Variants in NOSIP observed in about 807,000 individuals in gnomAD.
The protein encoded by NOSIP is nitric oxide synthase interacting protein.
NOSIP carries 25 observed loss-of-function variants against 36.4 expected under a neutral mutation model. The observed-to-expected ratio is 0.69, with a 90% CI of 0.50 to 0.96. The LOEUF is 0.96. Among genes scored for constraint, NOSIP ranks in the 40% least tolerant of loss-of-function variants. The pLI is 0.00. For missense variants in NOSIP, 370 were observed against 429.0 expected, an observed-to-expected ratio of 0.86 and a Z score of 1.21; for synonymous variants, 187 against 179.2, an observed-to-expected ratio of 1.04 and a Z score of -0.35.
At chr19:49,570,619 T>C (rs2080471942) in intron 1 of NOSIP, among the ~76,000 whole-genome samples, 1 of 151,916 alleles carries the variant, frequency 6.6e-6, no homozygotes, top group South Asian at 2.1e-4. Flanking sequence ...ACACCCCAAC[T>C]TGACCCAGGG....
At chr19:49,568,485 G>C (rs1294080242) in intron 1 of NOSIP, among the ~76,000 whole-genome samples, 1 of 152,138 alleles carries the variant, frequency 6.6e-6, no homozygotes, top group African/African-American at 2.4e-5. Flanking sequence ...ATTCACCTTG[G>C]ATGCACATAA....
intron 1 of NOSIP, among the ~76,000 whole-genome samples, chr19:49,570,825 C>T (rs2080474312): frequency 6.6e-6 from 1 of 152,132 alleles, no homozygotes; most frequent in Non-Finnish European, 1.5e-5. Context: ...CCTTGACCCT[C>T]TGCAGTATTT....
chr19:49,561,879 CAATT>C lies in NOSIP; in HGVS notation c.-1-1191_-1-1188del, dbSNP rs1294794498. Among the ~76,000 whole-genome samples, 56 of 127,622 alleles carry C rather than the reference CAATT, an allele frequency of 4.4e-4. No homozygotes were observed. The East Asian group carries it at 0.012, about 28-fold the overall frequency. 83.7% of individuals were successfully genotyped at this position (127,622 alleles called of 152,430 possible). A position where few individuals can be genotyped will look rare whatever the true frequency, so the allele number is the denominator to read the frequency against. On this transcript the variant is annotated intron_variant, in intron 1 of 8. Transcript: ENST00000596358. The stretch of plus-strand genomic sequence containing the variant: ...ACCTAGACAGAGCAAGGCTCTGTCA[CAATT>C]AAAAAAAAAAAAAAAAAGACATTGC...
Position 49,560,685 on chromosome 19 carries a change from G to A in NOSIP, c.7C>T (p.Arg3Trp), listed in dbSNP as rs996963376. 5 of 1,592,266 alleles carry A rather than the reference G, an allele frequency of 3.1e-6. No individual in the cohort carries two copies. Among genetic ancestry groups the A allele is most frequent in the African/African-American group, 1.3e-5 (1 of 74,520 alleles). MT[R>W]HGKNCTAGAV... ...CCTGCGGTGCAGTTCTTGCCATGCC[G>A]CGTCATCCTAGGGAGGAAGGGACAG... The change falls in exon 2 of 9, where the codon CGG becomes TGG. Residue 3 changes from arginine to tryptophan, a missense_variant. By Grantham distance (101) the Arg-to-Trp change is moderately radical. Transcript: ENST00000596358. The surrounding 1 kb of genome is among the most constrained non-coding windows in gnomAD (Gnocchi z 4.6).
Position 49,560,449 on chromosome 19 carries a change from G to A in NOSIP, c.70+173C>T, listed in dbSNP as rs544315661. On this transcript the variant is annotated intron_variant, in intron 2 of 8. Coordinates refer to ENST00000596358, the MANE Select transcript of NOSIP (RefSeq NM_001270960.2). This position sits in a 1 kb window ranked among gnomAD's most constrained non-coding sequence, Gnocchi z 4.6. ...CGCAGAAGGCAGAGAACACAGTGCC[G>A]GGCCACATGGGGTCATGGGATCACC... 133 of 625,900 alleles carry A rather than the reference G, an allele frequency of 2.1e-4. No homozygotes were observed. In the Middle Eastern group the frequency reaches 4.7e-3, roughly 22 times the overall value. The allele number at this position is 625,900 out of a possible 1,614,324, so 38.8% of individuals were successfully genotyped here.
Position 49,555,584 on chromosome 19 carries a change from C to G in NOSIP, c.*167G>C. 1.7e-6 allele frequency: 1 copy of G among 587,906 alleles called. No homozygotes were observed. The highest frequency in any genetic ancestry group is 2.0e-5 in the South Asian group (1 of 49,272). 36.4% of individuals were successfully genotyped at this position (587,906 alleles called of 1,614,324 possible). On this transcript the variant is annotated 3_prime_UTR_variant, in exon 9 of 9. Transcript: ENST00000596358. ...AGATTTTGTTCTTAATGTGAGACCA[C>G]ATTCAATATGCTTAGCCCGCTCTTT... is the stretch of plus-strand genomic sequence containing the variant.
At chr19:49,568,716 A>G (rs2080442211) in intron 1 of NOSIP, among the ~76,000 whole-genome samples, 1 of 151,658 alleles carries the variant, frequency 6.6e-6, no homozygotes, top group African/African-American at 2.4e-5. Flanking sequence ...AAACCAAGGC[A>G]GGAAGATTGC....
chr19:49,573,623 C>A (rs1454917743), intron 1 of NOSIP, among the ~76,000 whole-genome samples: 1 of 152,128 alleles, frequency 6.6e-6, no homozygotes, highest in African/African-American at 2.4e-5. Flanking sequence ...CATTAATACA[C>A]TAATAATTCA....
chr19:49,578,844 T>A (rs1215088085), intron 1 of NOSIP, among the ~76,000 whole-genome samples: 1 of 151,056 alleles, frequency 6.6e-6, no homozygotes, highest in Admixed American at 6.6e-5. Flanking sequence ...AGGATGGTCT[T>A]GATCTCCTGA....
At chr19:49,564,453 C>CAAAA (rs1011453088) in intron 1 of NOSIP, among the ~76,000 whole-genome samples, 13 of 42,546 alleles carry the variant, frequency 3.1e-4, no homozygotes, top group Non-Finnish European at 4.9e-4. Flanking sequence ...GACTCCATCT[C>CAAAA]AAAAAAAAAA....
intron 1 of NOSIP, among the ~76,000 whole-genome samples, chr19:49,572,985 A>AAT (rs1555736289): frequency 7.2e-5 from 11 of 151,860 alleles, no homozygotes; most frequent in Admixed American, 7.2e-4. Context: ...AAAAAAAAAA[A>AAT]AAAAAAAAGC....
chr19:49,564,090 A>C lies in NOSIP; in HGVS notation c.-1-3398T>G, dbSNP rs1175857913. ...GCTCCATGAGGTGTGACACTGCAAC[A>C]CTAAATTAGTAGTAATTTGTTACAA... On this transcript the variant is annotated intron_variant, in intron 1 of 8. Coordinates refer to ENST00000596358, the MANE Select transcript of NOSIP (RefSeq NM_001270960.2). Among the ~76,000 whole-genome samples, 3 of 152,172 alleles carry C rather than the reference A, an allele frequency of 2.0e-5. 1 individual carries two copies. Among genetic ancestry groups the C allele is most frequent in the Admixed American group, 2.0e-4 (3 of 15,266 alleles).
intron 3 of NOSIP, 146 bp from the exon 4 acceptor site, chr19:49,559,124 A>G: frequency 1.4e-6 from 1 of 700,530 alleles, no homozygotes. Flanking sequence ...CAAAGCTGTT[A>G]TACTCATGGT....
Position 49,560,803 on chromosome 19 carries a change from C to T in NOSIP, c.-1-111G>A, listed in dbSNP as rs974348223. 3.4e-5 allele frequency: 28 copies of T among 833,650 alleles called. No homozygotes were observed. Among genetic ancestry groups the T allele is most frequent in the Middle Eastern group, 2.5e-4 (1 of 3,974 alleles). The allele number at this position is 833,650 out of a possible 1,614,324, so 51.6% of individuals were successfully genotyped here. A position where few individuals can be genotyped will look rare whatever the true frequency, so the allele number is the denominator to read the frequency against. On this transcript the variant is annotated intron_variant, in intron 1 of 8. Transcript: ENST00000596358. The surrounding 1 kb of genome is among the most constrained non-coding windows in gnomAD (Gnocchi z 4.6). ...GCCCCCCTTGATGGGAAAGCGGAGG[C>T]GGAGAAGGGGGGTGAGGTGGAAGAG...
At chr19:49,558,852 A>G in intron 4 of NOSIP, 45 bp downstream of exon 4, 1 of 1,525,800 alleles carries the variant, frequency 6.6e-7, no homozygotes, top group Non-Finnish European at 9.1e-7. Flanking sequence ...GCTCAGACTC[A>G]AAAGCTCCTG....
At position 49,558,806 on chromosome 19, in the gene NOSIP, C is replaced by G; in HGVS notation, c.258+91G>C. 4.8e-6 allele frequency: 5 copies of G among 1,037,450 alleles called. No individual in the cohort carries two copies. In the South Asian group the frequency reaches 6.3e-5, roughly 13 times the overall value. The allele number at this position is 1,037,450 out of a possible 1,614,324, so 64.3% of individuals were successfully genotyped here. On this transcript the variant is annotated intron_variant, in intron 4 of 8. Coordinates refer to ENST00000596358, the MANE Select transcript of NOSIP (RefSeq NM_001270960.2). ...GGAATGGTGTACCAGGCAGAGGGAACTGAGATCAGAGGGCTCTGAGTGGCT... is the reference window on the plus strand; with the variant it reads ...GGAATGGTGTACCAGGCAGAGGGAAGTGAGATCAGAGGGCTCTGAGTGGCT...
chr19:49,568,385 A>G (rs1599758902), intron 1 of NOSIP, among the ~76,000 whole-genome samples: 1 of 152,062 alleles, frequency 6.6e-6, no homozygotes, highest in African/African-American at 2.4e-5. Flanking sequence ...ACACCCGGGG[A>G]ACTGCGGTGG....
Position 49,556,400 on chromosome 19 carries a change from C to T in NOSIP, c.751G>A (p.Val251Met), listed in dbSNP as rs760406810. 1.1e-5 allele frequency: 17 copies of T among 1,613,618 alleles called. No homozygotes were observed. In the East Asian group the frequency reaches 1.3e-4, roughly 13 times the overall value. ...ATGTCCTTCCGAATCAGCTTCTCCA[C>T]GCATTCGAGGGTGACCACAGCCCCA... Reference protein sequence around the residue: ...PSGAVVTLECVEKLIRKDMVD... With the variant: ...PSGAVVTLECMEKLIRKDMVD... The change falls in exon 8 of 9, where the codon GTG (valine) becomes ATG (methionine). Residue 251 changes from valine (V) to methionine (M), a missense_variant. Coordinates refer to ENST00000596358, the MANE Select transcript of NOSIP (RefSeq NM_001270960.2).
At chr19:49,576,624 C>A (rs1161956465) in intron 1 of NOSIP, among the ~76,000 whole-genome samples, 1 of 151,706 alleles carries the variant, frequency 6.6e-6, no homozygotes, top group Non-Finnish European at 1.5e-5. Flanking sequence ...GTGGCTCACA[C>A]CTGTAATCCC....
Sources: allele counts gnomAD v4.1 joint callset (sites outside exome capture counted in the v4.1 genomes callset), GRCh38; gene constraint gnomAD v4.1.1; non-coding constraint Gnocchi (gnomAD v3.1); transcripts MANE v1.5; gene names NCBI Gene and HGNC (gene_info 2026-07-23, HGNC 2026-07-21).